The following MAMDC4 variants were observed in gnomAD, a reference collection of about 807,000 sequenced individuals.
MAMDC4 encodes MAM domain containing 4, also known as apical endosomal glycoprotein.
A neutral mutation model predicts 153.3 loss-of-function variants in MAMDC4; 168 were observed. That is an observed-to-expected ratio of 1.10 (90% CI 0.97 to 1.25). The LOEUF (loss-of-function observed/expected upper bound fraction) is 1.25, where lower values mean the gene tolerates loss of function less well. Ranked by LOEUF, MAMDC4 falls within the 50% of genes most tolerant of loss-of-function variation. The pLI is 0.00. For missense variants in MAMDC4, 1,701 were observed against 1,542.8 expected (o/e 1.10, Z -1.72); for synonymous variants, 744 against 651.5 (o/e 1.14, Z -2.16).
chr9:136,852,973 G>C (rs978608405), intron 1 of MAMDC4, 129 bp from the exon 2 acceptor site: 1 of 741,310 alleles, frequency 1.3e-6, no homozygotes, highest in Non-Finnish European at 2.2e-6. Context: ...GCCCCTCCCT[G>C]CTCCATCTCC....
intron 23 of MAMDC4, 70 bp downstream of exon 23, chr9:136,858,923 G>A (rs1849047391): frequency 2.6e-6 from 4 of 1,548,022 alleles, no homozygotes; most frequent in Non-Finnish European, 3.5e-6. Flanking sequence ...GAGGTGGGGA[G>A]GTGGCCTCCC....
chr9:136,860,157 G>T, intron 26 of MAMDC4, 93 bp downstream of exon 26: 1 of 1,384,762 alleles, frequency 7.2e-7, no homozygotes, highest in Non-Finnish European at 9.7e-7. Flanking sequence ...CCCCGGGGAG[G>T]AGCCCCCACC....
intron 25 of MAMDC4, chr9:136,859,644 C>T (rs1435228892): frequency 1.7e-5 from 10 of 599,674 alleles, no homozygotes; most frequent in Admixed American, 3.0e-5. Flanking sequence ...CCACTGACTG[C>T]TCTCACTTGG....
At position 136,854,044 on chromosome 9, in the gene MAMDC4, A is replaced by G; in HGVS notation, c.638A>G (p.Asp213Gly). ...ACCCACAGGGGCGCTGTGGCTCTAG[A>G]TGACCTAGAGTTCTGGGACTGTGGT... Reference protein sequence around the residue: ...NATHRGAVALDDLEFWDCGLP... With the variant: ...NATHRGAVALGDLEFWDCGLP... Residue 213 changes from aspartate to glycine, a missense_variant, in exon 6 of 27, where the codon GAT (aspartate) becomes GGT (glycine). Asp to Gly is a moderately conservative substitution (Grantham distance 94). Transcript: ENST00000317446. The G allele has an allele frequency of 6.2e-7, 1 of 1,612,792 alleles. No homozygotes were observed. Among genetic ancestry groups the G allele is most frequent in the Non-Finnish European group, 8.5e-7 (1 of 1,179,926 alleles).
Position 136,857,358 on chromosome 9 carries a change from C to T in MAMDC4, c.2107-9C>T. 6.2e-7 allele frequency: 1 copy of T among 1,608,478 alleles called. No homozygotes were observed. The highest frequency in any genetic ancestry group is 8.5e-7 in the Non-Finnish European group (1 of 1,179,428). ...GGGCCCCTGGCCAGCTGACACCCTC[C>T]ACCCCCAGCTGCTGTTCGAGGGCCT... On this transcript the variant is annotated splice_polypyrimidine_tract_variant and intron_variant, in intron 17 of 26. Coordinates refer to ENST00000317446, the MANE Select transcript of MAMDC4 (RefSeq NM_206920.3).
chr9:136,852,496 CA>C (rs766597004), intron 1 of MAMDC4, 34 bp downstream of exon 1: 3 of 1,605,376 alleles, frequency 1.9e-6, no homozygotes, highest in Admixed American at 1.7e-5. Flanking sequence ...GAGGCAGGAC[CA>C]GGGGCCCTGG....
chr9:136,858,939 C>T (rs371773223), intron 23 of MAMDC4, 66 bp from the exon 24 acceptor site: 14 of 1,528,958 alleles, frequency 9.2e-6, no homozygotes, highest in South Asian at 3.8e-5. Flanking sequence ...CTCCCCAGCC[C>T]GCCCCTGGTT....
At position 136,855,063 on chromosome 9, in the gene MAMDC4, G is replaced by T; in HGVS notation, c.1150G>T (p.Ala384Ser). Reference protein sequence around the residue: ...LRRRRGELGTAWVRDRVDIQS... With the variant: ...LRRRRGELGTSWVRDRVDIQS... ...GAGGCGCCGAGGGGAGCTGGGGACC[G>T]CCTGGGTCCGAGACCGTGTTGACAT... Residue 384 changes from alanine (A) to serine (S), a missense_variant, in exon 10 of 27, where the codon GCC becomes TCC. Transcript: ENST00000317446. 2 of 1,601,832 alleles carry T rather than the reference G, an allele frequency of 1.2e-6. No homozygotes were observed. Among genetic ancestry groups the T allele is most frequent in the African/African-American group, 1.3e-5 (1 of 74,686 alleles).
intron 7 of MAMDC4, 62 bp from the exon 8 acceptor site, chr9:136,854,477 G>A (rs1848973685): frequency 1.3e-6 from 2 of 1,551,084 alleles, no homozygotes; most frequent in African/African-American, 2.7e-5. Context: ...CCCTGGAGCT[G>A]GGGCCATACG....
At chr9:136,859,510 G>A in intron 25 of MAMDC4, 193 bp downstream of exon 25, 2 of 630,460 alleles carry the variant, frequency 3.2e-6, no homozygotes, top group South Asian at 4.0e-5. Flanking sequence ...CCGCTGCCTG[G>A]GCTGGGCTGT....
At position 136,858,418 on chromosome 9, in the gene MAMDC4, C is replaced by G; in HGVS notation, c.2693C>G (p.Ser898Cys). Residue 898 changes from serine (S) to cysteine (C), a missense_variant, in exon 22 of 27, where the codon TCT becomes TGT. Transcript: ENST00000317446. ...CPQPGSCDFESGLCGWSHLAW... is the reference protein window; with the variant it reads ...CPQPGSCDFECGLCGWSHLAW... ...CCTGCAGGTTCCTGTGATTTTGAGT[C>G]TGGCCTGTGTGGCTGGAGCCACCTG... 1 of 1,604,072 alleles carries G rather than the reference C, an allele frequency of 6.2e-7. No homozygotes were observed. Among genetic ancestry groups the G allele is most frequent in the South Asian group, 1.1e-5 (1 of 91,090 alleles).
intron 16 of MAMDC4, 33 bp downstream of exon 16, chr9:136,857,074 G>A (rs772966398): frequency 1.2e-6 from 2 of 1,604,488 alleles, no homozygotes; most frequent in East Asian, 2.2e-5. Context: ...CAGAGCCTGT[G>A]GGGAGGCCCC....
chr9:136,860,039 G>C lies in MAMDC4; in HGVS notation c.3347G>C (p.Gly1116Ala). Residue 1116 changes from glycine (G) to alanine (A), a missense_variant, in exon 26 of 27, where the codon GGC becomes GCC. Physicochemically the swap from Gly to Ala is moderately conservative, Grantham distance 60. Transcript: ENST00000317446. Reference sequence around the variant, plus strand: ...AGCAACACAGAGGCCACAGCCCCTGGCTTTGACAACATCCTTTTCAATGCG... The same window carrying C: ...AGCAACACAGAGGCCACAGCCCCTGCCTTTGACAACATCCTTTTCAATGCG... ...FQSNTEATAPGFDNILFNADG... is the reference protein window; with the variant it reads ...FQSNTEATAPAFDNILFNADG... 6.3e-7 allele frequency: 1 copy of C among 1,599,090 alleles called. No homozygotes were observed. The highest frequency in any genetic ancestry group is 1.1e-5 in the South Asian group (1 of 89,308).
chr9:136,854,226 G>C lies in MAMDC4; in HGVS notation c.686G>C (p.Cys229Ser). 1 of 1,612,000 alleles carries C rather than the reference G, an allele frequency of 6.2e-7. No homozygotes were observed. The change falls in exon 7 of 27, where the codon TGT (cysteine) becomes TCT (serine). Residue 229 changes from cysteine to serine, a missense_variant. By Grantham distance (112) the Cys-to-Ser change is moderately radical (BLOSUM62 -1). Coordinates refer to ENST00000317446, the MANE Select transcript of MAMDC4 (RefSeq NM_206920.3). Reference protein sequence around the residue: ...DCGLPTPQANCPPGHHHCQNK... With the variant: ...DCGLPTPQANSPPGHHHCQNK... ...CCCCACCCAGCCCCCCAGGCCAACT[G>C]TCCCCCGGGACACCACCACTGCCAG...
In MAMDC4 at chr9:136,854,738, G is replaced by A. The variant is rs201073467; in HGVS notation, c.935-24G>A. 3.1e-4 allele frequency: 494 copies of A among 1,612,610 alleles called. 2 individuals carry two copies. The African/African-American group carries it at 5.7e-3, about 19-fold the overall frequency. On this transcript the variant is annotated intron_variant, in intron 8 of 26. Coordinates refer to ENST00000317446, the MANE Select transcript of MAMDC4 (RefSeq NM_206920.3). Reference sequence around the variant, plus strand: ...ACGCAGCCACAGCCCAGTGGCCCTGGCCCACTCCCGTCCTTTCCCGCAGGC... The same window carrying A: ...ACGCAGCCACAGCCCAGTGGCCCTGACCCACTCCCGTCCTTTCCCGCAGGC...
In MAMDC4 at chr9:136,859,904, G is replaced by C. The variant is rs772521392; in HGVS notation, c.3212G>C (p.Gly1071Ala). The change falls in exon 26 of 27, where the codon GGG becomes GCG. Residue 1071 changes from glycine (G) to alanine (A), a missense_variant. By Grantham distance (60) the Gly-to-Ala change is moderately conservative. Coordinates refer to ENST00000317446, the MANE Select transcript of MAMDC4 (RefSeq NM_206920.3). ...APSPGNTAAP[G>A]SVPAVVGSAL... The stretch of plus-strand genomic sequence containing the variant: ...CCCACAGGGAACACAGCCGCACCCG[G>C]GTCTGTGCCAGCTGTGGTTGGCAGT... The C allele has an allele frequency of 7.3e-5, 118 of 1,612,094 alleles. No homozygotes were observed. Among genetic ancestry groups the C allele is most frequent in the Middle Eastern group, 1.9e-4 (1 of 5,296 alleles).
chr9:136,859,866 CAT>C lies in MAMDC4; in HGVS notation c.3194-19_3194-18del, dbSNP rs1849060378. 6.2e-6 allele frequency: 10 copies of C among 1,610,836 alleles called. No individual in the cohort carries two copies. The highest frequency in any genetic ancestry group is 1.1e-5 in the South Asian group (1 of 90,952). The stretch of plus-strand genomic sequence containing the variant: ...TGTGGGGGCTGCTTTGGAGGGCTCA[CAT>C]GTCCCTATGGCCCACAGGGAACACA... On this transcript the variant is annotated intron_variant, in intron 25 of 26. Coordinates refer to ENST00000317446, the MANE Select transcript of MAMDC4 (RefSeq NM_206920.3).
chr9:136,856,197 T>C (rs752715036), intron 14 of MAMDC4, 48 bp downstream of exon 14: 1 of 1,611,322 alleles, frequency 6.2e-7, no homozygotes, highest in Non-Finnish European at 8.5e-7. Context: ...GGGTGCTCCC[T>C]GCACAGTGGG....
At position 136,854,342 on chromosome 9, in the gene MAMDC4, GC is replaced by G; in HGVS notation, c.796+8del. 1 of 1,545,560 alleles carries G rather than the reference GC, an allele frequency of 6.5e-7. No individual in the cohort carries two copies. The highest frequency in any genetic ancestry group is 8.7e-7 in the Non-Finnish European group (1 of 1,145,784). ...TGAGAACCCACTCACCTGTGGTGAG[GC>G]CGGAGTGGGGGCCCAGAGTGAGGCT... On this transcript the variant is annotated splice_region_variant and intron_variant, in intron 7 of 26. Coordinates refer to ENST00000317446, the MANE Select transcript of MAMDC4 (RefSeq NM_206920.3).
Sources: gnomAD v4.1 joint callset for allele counts on GRCh38, gnomAD v4.1.1 for gene constraint, MANE v1.5 for transcripts, NCBI Gene and HGNC (gene_info 2026-07-23, HGNC 2026-07-21) for gene names.